The following TDRD12 variants were observed in gnomAD, a reference collection of about 807,000 sequenced individuals.
The protein encoded by TDRD12 is tudor domain containing 12.
TDRD12 carries 158 observed loss-of-function variants against 133.5 expected under a neutral mutation model. The observed-to-expected ratio is 1.18, with a 90% confidence interval of 1.04 to 1.35. TDRD12 has a LOEUF of 1.35. TDRD12 is among the 40% of genes most tolerant of loss of function. TDRD12 has a pLI of 0.00. For synonymous variants in TDRD12, 460 were observed against 477.9 expected (o/e 0.96, Z 0.49); for missense variants, 1,443 against 1,321.3 (o/e 1.09, Z -1.43).
chr19:32,797,580 A>G (rs1052073495), intron 14 of TDRD12, among the ~76,000 whole-genome samples, 155 bp from the exon 15 acceptor site: 4 of 152,198 alleles, frequency 2.6e-5, no homozygotes, highest in Non-Finnish European at 5.9e-5. Flanking sequence ...ATCTGTTTTA[A>G]TGAAATTATA....
intron 8 of TDRD12, among the ~76,000 whole-genome samples, chr19:32,759,471 T>C (rs1970091323): frequency 6.6e-6 from 1 of 151,720 alleles, no homozygotes; most frequent in Non-Finnish European, 1.5e-5. Context: ...ATTGCAGTAG[T>C]GTGATCACAG....
chr19:32,797,162 G>A (rs1173977140), intron 14 of TDRD12, among the ~76,000 whole-genome samples: 1 of 148,786 alleles, frequency 6.7e-6, no homozygotes, highest in Non-Finnish European at 1.5e-5. Context: ...TGTATTTTTA[G>A]TAGAGATGGG....
At chr19:32,806,809 C>T (rs1250785730) in intron 21 of TDRD12, among the ~76,000 whole-genome samples, 1 of 151,938 alleles carries the variant, frequency 6.6e-6, no homozygotes, top group Non-Finnish European at 1.5e-5. Context: ...AAGTAGGCAC[C>T]TGCCACCATG....
At chr19:32,726,144 G>A (rs527399628) in intron 1 of TDRD12, among the ~76,000 whole-genome samples, 73 of 151,222 alleles carry the variant, frequency 4.8e-4, no homozygotes, top group Non-Finnish European at 7.5e-4. Context: ...GCAGTGGTGC[G>A]ATCTCAGCTC....
chr19:32,730,356 G>A (rs79457458), intron 1 of TDRD12, among the ~76,000 whole-genome samples: 7,789 of 152,186 alleles, frequency 0.051, 342 homozygotes, highest in East Asian at 0.23. Flanking sequence ...GGGCTCAGGG[G>A]AAAAGCCGTG....
At chr19:32,815,195 AT>A (rs1967135076) in intron 25 of TDRD12, among the ~76,000 whole-genome samples, 1 of 146,442 alleles carries the variant, frequency 6.8e-6, no homozygotes, top group African/African-American at 2.5e-5. Flanking sequence ...TTTATCCCAG[AT>A]TTGCTCTTGC....
At chr19:32,725,940 A>G in intron 1 of TDRD12, among the ~76,000 whole-genome samples, 1 of 152,114 alleles carries the variant, frequency 6.6e-6, no homozygotes, top group Non-Finnish European at 1.5e-5. Context: ...AATTATTTCA[A>G]TAATCTTGTG....
rs111540100 is a variant in TDRD12 at position 32,805,636 on chromosome 19, G to T, written c.2553-1913G>T. Among the ~76,000 whole-genome samples, 1,379 of 152,004 alleles carry T rather than the reference G, an allele frequency of 9.1e-3. 16 individuals are homozygous for T. The highest frequency in any genetic ancestry group is 0.03 in the African/African-American group (1,239 of 41,444). On this transcript the variant is annotated intron_variant, in intron 21 of 27. Coordinates refer to ENST00000444215, the Ensembl canonical transcript of TDRD12. ...CACTTTGTTATAGCACGTCTTAGGAGCTGGTGTATGAGTCCTCCAGCTTTG... is the reference window on the plus strand; with the variant it reads ...CACTTTGTTATAGCACGTCTTAGGATCTGGTGTATGAGTCCTCCAGCTTTG...
intron 11 of TDRD12, among the ~76,000 whole-genome samples, chr19:32,788,171 G>A (rs140298789): frequency 6.5e-4 from 99 of 151,268 alleles, no homozygotes; most frequent in African/African-American, 2.3e-3. Flanking sequence ...TGCCCAGGCT[G>A]GAGTGCAGTG....
intron 13 of TDRD12, 118 bp downstream of exon 13, chr19:32,791,186 C>T (rs1458719549): frequency 6.0e-6 from 7 of 1,160,062 alleles, no homozygotes; most frequent in Non-Finnish European, 8.1e-6. Flanking sequence ...TTGAAATTCT[C>T]TTTTTATTTG....
At chr19:32,805,729 C>CTTTTTTTT (rs397860060) in intron 21 of TDRD12, among the ~76,000 whole-genome samples, 2 of 118,898 alleles carry the variant, frequency 1.7e-5, no homozygotes, top group Non-Finnish European at 3.4e-5. Flanking sequence ...TTTTTTTTAT[C>CTTTTTTTT]TTTTTTTTTT....
intron 10 of TDRD12, among the ~76,000 whole-genome samples, chr19:32,774,808 C>T (rs192408277): frequency 6.6e-6 from 1 of 152,030 alleles, no homozygotes; most frequent in East Asian, 1.9e-4. Context: ...CATGGTGAAA[C>T]CCCATCTCTA....
At chr19:32,809,564 A>G (rs1966926669) in intron 22 of TDRD12, among the ~76,000 whole-genome samples, 1 of 152,014 alleles carries the variant, frequency 6.6e-6, no homozygotes, top group African/African-American at 2.4e-5. Flanking sequence ...TTTTCCTCAC[A>G]CACAGGTCCC....
At chr19:32,763,425 G>C (rs1970206767) in intron 8 of TDRD12, among the ~76,000 whole-genome samples, 1 of 152,122 alleles carries the variant, frequency 6.6e-6, no homozygotes, top group African/African-American at 2.4e-5. Context: ...AGGATGGCTG[G>C]AAGGGACTGA....
chr19:32,801,453 CTG>C lies in TDRD12; in HGVS notation c.2080-291_2080-290del, dbSNP rs779778849. Among the ~76,000 whole-genome samples the C allele has an allele frequency of 4.5e-3, 679 of 151,618 alleles. 5 individuals carry two copies. The highest frequency in any genetic ancestry group is 0.016 in the African/African-American group (642 of 41,376). ...AACCAGGACTTTCTAGCTGATGTGT[CTG>C]TGTGTGTGTGTATGTGTGTTTATAC... On this transcript the variant is annotated intron_variant, in intron 18 of 27. Coordinates refer to ENST00000444215, the Ensembl canonical transcript of TDRD12.
intron 16 of TDRD12, 33 bp from the exon 17 acceptor site, chr19:32,800,134 A>C: frequency 8.0e-7 from 1 of 1,252,952 alleles, no homozygotes; most frequent in Non-Finnish European, 1.1e-6. Context: ...CTCTTTTGAA[A>C]TAAAAATGAA....
chr19:32,807,961 C>T (rs1435520868), intron 22 of TDRD12, among the ~76,000 whole-genome samples: 2 of 152,116 alleles, frequency 1.3e-5, no homozygotes, highest in Admixed American at 6.5e-5. Context: ...CAGTGGCTCA[C>T]ACCTGTAATC....
At chr19:32,796,741 G>A (rs1003114075) in intron 14 of TDRD12, among the ~76,000 whole-genome samples, 2 of 152,194 alleles carry the variant, frequency 1.3e-5, no homozygotes, top group Non-Finnish European at 2.9e-5. Flanking sequence ...GGGCAGAAGG[G>A]GATGTCCAGG....
chr19:32,732,185 G>C (rs1969078019), intron 2 of TDRD12, among the ~76,000 whole-genome samples: 2 of 152,128 alleles, frequency 1.3e-5, no homozygotes, highest in Non-Finnish European at 2.9e-5. Flanking sequence ...TGTATTTTTA[G>C]TAGAGACGGG....
Sources: gnomAD v4.1 joint callset for allele counts (sites outside exome capture counted in the v4.1 genomes callset) on GRCh38, gnomAD v4.1.1 for gene constraint, MANE v1.5 for transcripts, NCBI Gene and HGNC (gene_info 2026-07-23, HGNC 2026-07-21) for gene names.